YWHAZ: variants seen among roughly 807,000 people sequenced by gnomAD.
The protein encoded by YWHAZ is tyrosine 3-monooxygenase/tryptophan 5-monooxygenase activation protein zeta.
For missense variants in YWHAZ, 79 were observed against 284.8 expected (o/e 0.28, Z 5.20); for synonymous variants, 87 against 103.6 (o/e 0.84, Z 0.97).
chr8:100,946,301 G>A (rs560274880), intron 2 of YWHAZ, among the ~76,000 whole-genome samples: 7 of 152,312 alleles, frequency 4.6e-5, no homozygotes, highest in East Asian at 1.9e-4. Flanking sequence ...CACTTTGGGA[G>A]GCCAAGGCGA....
intron 1 of YWHAZ, among the ~76,000 whole-genome samples, chr8:100,949,667 G>A (rs1432840502): frequency 6.6e-6 from 1 of 152,160 alleles, no homozygotes; most frequent in African/African-American, 2.4e-5. Context: ...TATCACATTG[G>A]AAGTACTTAA....
chr8:100,947,772 G>A (rs1255630447), intron 2 of YWHAZ, among the ~76,000 whole-genome samples: 1 of 152,132 alleles, frequency 6.6e-6, no homozygotes, highest in Non-Finnish European at 1.5e-5. Context: ...GCCCCTCTTT[G>A]TATATCAGAG....
chr8:100,951,573 G>A (rs1810786042), intron 1 of YWHAZ: 2 of 985,414 alleles, frequency 2.0e-6, no homozygotes, highest in Non-Finnish European at 2.4e-6. Context: ...ATGGATCGCG[G>A]CCGGCGGCGC....
At chr8:100,950,464 C>G (rs1810633742) in intron 1 of YWHAZ, 1 of 985,256 alleles carries the variant, frequency 1.0e-6, no homozygotes, top group African/African-American at 1.7e-5. Flanking sequence ...CTTTAAAGTG[C>G]AAATTCTCCG....
In YWHAZ at chr8:100,951,947, G is replaced by A; in HGVS notation, c.-30C>T. ...TCCTCACCTGTGTCCGGAGTGGGTG[G>A]TGGCGGCGGACGGACGGGCTCAGCA... is the stretch of plus-strand genomic sequence containing the variant. On this transcript the variant is annotated 5_prime_UTR_variant, in exon 1 of 6. Transcript: ENST00000395958. 3 of 1,000,958 alleles carry A rather than the reference G, an allele frequency of 3.0e-6. No homozygotes were observed. In the South Asian group the frequency reaches 1.2e-4, roughly 41 times the overall value. The allele number at this position is 1,000,958 out of a possible 1,614,324, so 62.0% of individuals were successfully genotyped here. A position where few individuals can be genotyped will look rare whatever the true frequency, so the allele number is the denominator to read the frequency against.
At chr8:100,928,062 G>A (rs1361768074) in intron 2 of YWHAZ, among the ~76,000 whole-genome samples, 4 of 151,992 alleles carry the variant, frequency 2.6e-5, no homozygotes, top group African/African-American at 7.2e-5. Flanking sequence ...GGCGGATCAC[G>A]AGGTCAGGAG....
At chr8:100,937,271 A>T (rs1481725573) in intron 2 of YWHAZ, among the ~76,000 whole-genome samples, 27 of 151,390 alleles carry the variant, frequency 1.8e-4, no homozygotes, top group Non-Finnish European at 1.5e-5. Context: ...ACCCTTTTTC[A>T]TACCCTTTAT....
chr8:100,949,167 CAT>C (rs775419958), intron 1 of YWHAZ, among the ~76,000 whole-genome samples: 39 of 152,310 alleles, frequency 2.6e-4, no homozygotes, highest in African/African-American at 4.6e-4. Flanking sequence ...CCAAATTTCA[CAT>C]GTCAAAATTA....
upstream of YWHAZ, chr8:100,953,291 G>C: frequency 1.0e-6 from 1 of 985,574 alleles, no homozygotes; most frequent in Non-Finnish European, 1.2e-6. Context: ...TAGAAGCAAG[G>C]TTTGAGGGAC....
At chr8:100,938,036 G>A (rs1345401791) in intron 2 of YWHAZ, among the ~76,000 whole-genome samples, 7 of 152,088 alleles carry the variant, frequency 4.6e-5, no homozygotes, top group Admixed American at 6.5e-5. Flanking sequence ...AAGCTGAGGC[G>A]GGAGAATCAC....
At chr8:100,939,289 T>C (rs920067947) in intron 2 of YWHAZ, among the ~76,000 whole-genome samples, 3 of 152,028 alleles carry the variant, frequency 2.0e-5, no homozygotes, top group Non-Finnish European at 4.4e-5. Flanking sequence ...AACTGCCAAA[T>C]TAAATCAGGT....
chr8:100,952,068 T>C (rs1268461891), upstream of YWHAZ: 22 of 987,496 alleles, frequency 2.2e-5, no homozygotes, highest in African/African-American at 3.5e-5. Flanking sequence ...AGACACGGGG[T>C]TTCCTCCAAT....
rs930744444 is a variant in YWHAZ, at chr8:100,916,996, A to G, written c.*3697T>C. The G allele has an allele frequency of 6.6e-6, 1 of 152,262 alleles. No homozygotes were observed. The highest frequency in any genetic ancestry group is 1.5e-5 in the Non-Finnish European group (1 of 68,042). 9.4% of individuals were successfully genotyped at this position (152,262 alleles called of 1,614,324 possible). On this transcript the variant is annotated 3_prime_UTR_variant, in exon 6 of 6. Transcript: ENST00000395958. ...TCTACCATAGTATTTCCTATATGGT[A>G]AATGAGAGAATACAATCAAGCCAAA...
intron 2 of YWHAZ, among the ~76,000 whole-genome samples, chr8:100,928,947 A>C (rs898026650): frequency 2.6e-5 from 4 of 152,142 alleles, no homozygotes; most frequent in Admixed American, 1.3e-4. Flanking sequence ...GAGAAAACTT[A>C]TGAGTGGTCC....
intron 2 of YWHAZ, among the ~76,000 whole-genome samples, chr8:100,928,533 A>C (rs1586100239): frequency 6.6e-6 from 1 of 151,986 alleles, no homozygotes; most frequent in South Asian, 2.1e-4. Flanking sequence ...GGAGTTCGAG[A>C]CCAGCCTGGC....
intron 2 of YWHAZ, among the ~76,000 whole-genome samples, chr8:100,934,002 C>CA (rs796998453): frequency 7.3e-5 from 11 of 151,306 alleles, no homozygotes; most frequent in African/African-American, 2.4e-4. Flanking sequence ...ACTAAAAATA[C>CA]AAAAAATGAG....
In YWHAZ at chr8:100,948,563, A is replaced by C. The variant is rs1328683519; in HGVS notation, c.294+33T>G. 6.2e-7 allele frequency: 1 copy of C among 1,600,730 alleles called. No homozygotes were observed. On this transcript the variant is annotated intron_variant, in intron 2 of 5. Transcript: ENST00000395958. This position sits in a 1 kb window ranked among gnomAD's most constrained non-coding sequence, Gnocchi z 4.2. ...TAACTGATACTCATAGGGACCCTAC[A>C]GTATAATGAAGCCAGACTGAATTGA...
intron 5 of YWHAZ, 126 bp downstream of exon 5, chr8:100,923,829 T>G: frequency 4.6e-6 from 3 of 650,988 alleles, no homozygotes; most frequent in East Asian, 2.8e-5. Flanking sequence ...GATATATTTA[T>G]GAGAGCCTAT....
intron 2 of YWHAZ, among the ~76,000 whole-genome samples, chr8:100,943,508 TTCAG>T (rs1810023187): frequency 6.6e-6 from 1 of 152,190 alleles, no homozygotes; most frequent in African/African-American, 2.4e-5. Flanking sequence ...TGACATTTAA[TTCAG>T]TATTATAAAG....
Sources: gnomAD v4.1 joint callset for allele counts (sites outside exome capture counted in the v4.1 genomes callset) on GRCh38, gnomAD v4.1.1 for gene constraint, Gnocchi (gnomAD v3.1) non-coding constraint, MANE v1.5 for transcripts, NCBI Gene and HGNC (gene_info 2026-07-23, HGNC 2026-07-21) for gene names.